The following GABRA3 variants were observed in gnomAD, a reference collection of about 807,000 sequenced individuals.
GABRA3 encodes gamma-aminobutyric acid receptor subunit alpha-3.
In GABRA3, 10 loss-of-function variants were observed where a neutral mutation model predicts 30.1. That is an observed-to-expected ratio of 0.33 (90% CI 0.20 to 0.56). GABRA3 has a LOEUF of 0.56. Ranked by LOEUF, GABRA3 falls within the 20% of genes least tolerant of loss-of-function variation. The probability of loss-of-function intolerance (pLI) is 0.89; values close to 1 mark genes in which losing one functional copy is unlikely to be tolerated. For missense variants in GABRA3, 233 were observed against 392.0 expected, an observed-to-expected ratio of 0.59 and a Z score of 3.42; for synonymous variants, 151 against 146.8, an observed-to-expected ratio of 1.03 and a Z score of -0.21.
intron 5 of GABRA3, among the ~76,000 whole-genome samples, chrX:152,236,411 TG>T: frequency 1.0e-5 from 1 of 99,740 alleles, no homozygotes; most frequent in South Asian, 5.3e-4. Context: ...ACGTTTGGGT[TG>T]GTTCCAAGTC....
Position 152,168,576 on chromosome X carries a change from A to C in GABRA3, c.1144-13T>G. 8.7e-7 allele frequency: 1 copy of C among 1,152,541 alleles called. No homozygotes were observed. The highest frequency in any genetic ancestry group is 1.2e-6 in the Non-Finnish European group (1 of 844,441). 95.0% of individuals were successfully genotyped at this position (1,152,541 alleles called of 1,213,427 possible). A position where few individuals can be genotyped will look rare whatever the true frequency, so the allele number is the denominator to read the frequency against. ...CTGGTGTTTTCTTCTAGAGGCCAGG[A>C]AAAAGAGGGGGGGAAAGGGAGAAAA... On this transcript the variant is annotated splice_polypyrimidine_tract_variant and intron_variant, in intron 9 of 9. Transcript: ENST00000370314.
chrX:152,303,151 C>A (rs894968593), intron 3 of GABRA3, among the ~76,000 whole-genome samples: 1 of 111,914 alleles, frequency 8.9e-6, no homozygotes, highest in Non-Finnish European at 1.9e-5. Context: ...CAGGAATTTC[C>A]AGACATCTTT....
intron 9 of GABRA3, among the ~76,000 whole-genome samples, chrX:152,177,265 G>A (rs1255658908): frequency 9.0e-6 from 1 of 111,682 alleles, no homozygotes; most frequent in East Asian, 2.8e-4. Flanking sequence ...AGCTGCTGGG[G>A]CAGAATGTTT....
In GABRA3 at chrX:152,238,023, C is replaced by T. The variant is rs1183585143; in HGVS notation, c.552-13178G>A. Among the ~76,000 whole-genome samples, 10 of 108,892 alleles carry T rather than the reference C, an allele frequency of 9.2e-5. 1 individual carries two copies. Among genetic ancestry groups the T allele is most frequent in the Admixed American group, 8.8e-4 (9 of 10,189 alleles). The allele number at this position is 108,892 out of a possible 115,157, so 94.6% of individuals were successfully genotyped here. ...TGATTGCCCTGGCCAGAACTTCCAA[C>T]ACTATGTTGAATAGGAGTGGTGAGA... is the stretch of plus-strand genomic sequence containing the variant. On this transcript the variant is annotated intron_variant, in intron 5 of 9. Coordinates refer to ENST00000370314, the MANE Select transcript of GABRA3 (RefSeq NM_000808.4).
At chrX:152,317,437 T>A (rs1437450756) in intron 3 of GABRA3, among the ~76,000 whole-genome samples, 1 of 111,507 alleles carries the variant, frequency 9.0e-6, no homozygotes, top group Non-Finnish European at 1.9e-5. Context: ...ATAGAAACAA[T>A]GGATTTAAAC....
At chrX:152,181,822 A>C (rs1937152702) in intron 9 of GABRA3, among the ~76,000 whole-genome samples, 1 of 91,902 alleles carries the variant, frequency 1.1e-5, no homozygotes, top group Admixed American at 1.2e-4. Flanking sequence ...AAAGTATAAT[A>C]ATAAAAAAAA....
chrX:152,199,264 G>T (rs1248930054), intron 7 of GABRA3, among the ~76,000 whole-genome samples: 2 of 105,519 alleles, frequency 1.9e-5, no homozygotes, highest in Non-Finnish European at 4.0e-5. Flanking sequence ...TACTAGGGAG[G>T]CTGAGGCAGG....
At chrX:152,304,708 T>G (rs776717040) in intron 3 of GABRA3, among the ~76,000 whole-genome samples, 5 of 112,265 alleles carry the variant, frequency 4.5e-5, no homozygotes, top group Admixed American at 2.8e-4. Flanking sequence ...CTTTCTAGTA[T>G]AGTTTGAAAT....
intron 4 of GABRA3, among the ~76,000 whole-genome samples, chrX:152,267,088 G>A (rs1334420379): frequency 1.8e-5 from 2 of 112,126 alleles, no homozygotes; most frequent in African/African-American, 3.2e-5. Context: ...AAACAAAGTG[G>A]AACAAATAAC....
intron 7 of GABRA3, among the ~76,000 whole-genome samples, chrX:152,198,527 T>G (rs1363407766): frequency 8.9e-6 from 1 of 112,219 alleles, no homozygotes; most frequent in Non-Finnish European, 1.9e-5. Context: ...GCTAAATGTA[T>G]TAGTCAATTC....
intron 3 of GABRA3, among the ~76,000 whole-genome samples, chrX:152,296,845 A>G (rs1939538227): frequency 9.1e-6 from 1 of 109,573 alleles, no homozygotes; most frequent in Non-Finnish European, 1.9e-5. Flanking sequence ...GATTACAGGC[A>G]CCCACCACCA....
intron 3 of GABRA3, among the ~76,000 whole-genome samples, chrX:152,342,462 T>G (rs540277638): frequency 9.0e-5 from 10 of 111,705 alleles, no homozygotes; most frequent in African/African-American, 3.2e-4. Flanking sequence ...ATTTCATTTT[T>G]CAGTCTTTCT....
At chrX:152,234,530 T>A (rs1409436920) in intron 5 of GABRA3, among the ~76,000 whole-genome samples, 1 of 111,681 alleles carries the variant, frequency 9.0e-6, no homozygotes, top group Non-Finnish European at 1.9e-5. Context: ...GAGATCCTAG[T>A]CATAAATTCT....
At chrX:152,232,821 T>G (rs1249100892) in intron 5 of GABRA3, among the ~76,000 whole-genome samples, 4 of 110,448 alleles carry the variant, frequency 3.6e-5, no homozygotes, top group African/African-American at 9.9e-5. Flanking sequence ...TTTGTCTTTG[T>G]GTAGATACCC....
chrX:152,229,838 G>A (rs1041588602), intron 5 of GABRA3, among the ~76,000 whole-genome samples: 1 of 111,171 alleles, frequency 9.0e-6, no homozygotes. Flanking sequence ...CAACTTTATA[G>A]AGAAAAAGTT....
chrX:152,181,679 G>A (rs1453479416), intron 9 of GABRA3, among the ~76,000 whole-genome samples: 1 of 109,624 alleles, frequency 9.1e-6, no homozygotes. Flanking sequence ...TGTGGGGTGG[G>A]AGGCTGGGGG....
At chrX:152,448,503 CA>C (rs776688614) in intron 1 of GABRA3, among the ~76,000 whole-genome samples, 48 of 111,448 alleles carry the variant, frequency 4.3e-4, no homozygotes, top group African/African-American at 1.6e-3. Flanking sequence ...AGATAATCAG[CA>C]AATCATCTGA....
chrX:152,427,887 C>A (rs1329743468), intron 1 of GABRA3, among the ~76,000 whole-genome samples: 1 of 112,154 alleles, frequency 8.9e-6, no homozygotes, highest in Non-Finnish European at 1.9e-5. Context: ...TAAGCAAACA[C>A]TGAATTTGTC....
chrX:152,220,520 A>G (rs5970229), intron 6 of GABRA3, among the ~76,000 whole-genome samples: 1 of 111,250 alleles, frequency 9.0e-6, no homozygotes, highest in African/African-American at 3.3e-5. Flanking sequence ...GACATTCTTT[A>G]TATGCCTTTT....
Sources: gnomAD v4.1 joint callset for allele counts (sites outside exome capture counted in the v4.1 genomes callset) on GRCh38, gnomAD v4.1.1 for gene constraint, MANE v1.5 for transcripts, NCBI Gene and HGNC (gene_info 2026-07-23, HGNC 2026-07-21) for gene names.